Variants in ERC2 observed in about 807,000 individuals in gnomAD.
ERC2 encodes ELKS/RAB6-interacting/CAST family member 2, also known as ERC protein 2.
A neutral mutation model predicts 114.8 loss-of-function variants in ERC2; 42 were observed. The ratio of observed to expected loss-of-function variants is 0.37; its 90% CI spans 0.29 to 0.47. The LOEUF is 0.47. ERC2 is among the 20% of genes least tolerant of loss of function. The pLI, the probability that ERC2 is intolerant of heterozygous loss-of-function variation, is 0.99. For missense variants in ERC2, 939 were observed against 1,150.7 expected, an observed-to-expected ratio of 0.82 and a Z score of 2.66; for synonymous variants, 454 against 425.5, an observed-to-expected ratio of 1.07 and a Z score of -0.82.
intron 3 of ERC2, among the ~76,000 whole-genome samples, chr3:56,220,927 T>C (rs2049860748): frequency 6.6e-6 from 1 of 152,130 alleles, no homozygotes; most frequent in Non-Finnish European, 1.5e-5. Context: ...AAAAGATGAA[T>C]GTGTATTATA....
intron 3 of ERC2, among the ~76,000 whole-genome samples, chr3:56,215,749 C>G (rs1309974954): frequency 6.6e-6 from 1 of 152,102 alleles, no homozygotes; most frequent in African/African-American, 2.4e-5. Context: ...GGAAGTAAAG[C>G]ACTCCTCAGC....
intron 14 of ERC2, among the ~76,000 whole-genome samples, chr3:55,835,442 T>G (rs1324357886): frequency 6.6e-6 from 1 of 152,154 alleles, no homozygotes; most frequent in African/African-American, 2.4e-5. Context: ...GCAAGGCTGG[T>G]TCAATATACT....
intron 13 of ERC2, among the ~76,000 whole-genome samples, chr3:55,899,852 C>A (rs2064039076): frequency 6.6e-6 from 1 of 152,074 alleles, no homozygotes; most frequent in Admixed American, 6.5e-5. Flanking sequence ...ATATGTATTA[C>A]AAATGTTTAC....
At chr3:55,883,427 G>A (rs1455086772) in intron 14 of ERC2, among the ~76,000 whole-genome samples, 2 of 152,148 alleles carry the variant, frequency 1.3e-5, no homozygotes, top group Admixed American at 6.5e-5. Flanking sequence ...GTGGATGTAA[G>A]TATAAAAGGA....
At chr3:55,549,299 C>G (rs2054980291) in intron 17 of ERC2, among the ~76,000 whole-genome samples, 1 of 151,982 alleles carries the variant, frequency 6.6e-6, no homozygotes, top group Admixed American at 6.6e-5. Flanking sequence ...AAAAAGGCCT[C>G]TATGAAGGGT....
intron 7 of ERC2, among the ~76,000 whole-genome samples, chr3:56,031,747 A>T (rs945243929): frequency 6.6e-6 from 1 of 152,246 alleles, no homozygotes; most frequent in African/African-American, 2.4e-5. Flanking sequence ...CAACTAAAGA[A>T]AATAAGGAAA....
chr3:55,878,039 C>A (rs1203983976), intron 14 of ERC2, among the ~76,000 whole-genome samples: 1 of 152,168 alleles, frequency 6.6e-6, no homozygotes, highest in Admixed American at 6.6e-5. Context: ...CTGAATATTT[C>A]TTTTCCCTTT....
At chr3:56,374,138 C>T (rs1416154013) in intron 2 of ERC2, among the ~76,000 whole-genome samples, 3 of 152,084 alleles carry the variant, frequency 2.0e-5, no homozygotes, top group African/African-American at 4.8e-5. Context: ...GCTCTGTCGC[C>T]GAGGCTGGAG....
chr3:55,824,690 G>A (rs1464243943), intron 14 of ERC2, among the ~76,000 whole-genome samples: 3 of 152,166 alleles, frequency 2.0e-5, no homozygotes, highest in African/African-American at 7.2e-5. Context: ...GGATTCCTGA[G>A]CCTCAACCCA....
intron 17 of ERC2, among the ~76,000 whole-genome samples, chr3:55,549,227 A>C (rs185662082): frequency 2.2e-4 from 34 of 152,308 alleles, no homozygotes; most frequent in African/African-American, 8.2e-4. Flanking sequence ...TGGTGTTTGC[A>C]ATACCTGTCC....
intron 3 of ERC2, among the ~76,000 whole-genome samples, chr3:56,279,347 C>A (rs145876824): frequency 9.9e-4 from 151 of 152,170 alleles, no homozygotes; most frequent in Non-Finnish European, 1.6e-3. Context: ...TTGTTATGAG[C>A]AATATATGCA....
intron 2 of ERC2, among the ~76,000 whole-genome samples, chr3:56,332,206 G>A (rs145220783): frequency 3.3e-5 from 5 of 152,118 alleles, no homozygotes; most frequent in Admixed American, 6.5e-5. Flanking sequence ...ACATATGCAC[G>A]CATGCACATA....
At chr3:56,097,160 G>T (rs1248586110) in intron 6 of ERC2, among the ~76,000 whole-genome samples, 1 of 152,182 alleles carries the variant, frequency 6.6e-6, no homozygotes, top group Non-Finnish European at 1.5e-5. Flanking sequence ...GCAAGTGATT[G>T]TTTCTCTGTT....
At chr3:55,970,258 C>T (rs2069062993) in intron 12 of ERC2, among the ~76,000 whole-genome samples, 1 of 151,972 alleles carries the variant, frequency 6.6e-6, no homozygotes, top group Admixed American at 6.6e-5. Context: ...CTTACTTTCT[C>T]TGAGAGCAAA....
Position 56,106,073 on chromosome 3 carries a change from T to C in ERC2, c.1474-25089A>G, listed in dbSNP as rs568458410. 2.1e-4 allele frequency among the ~76,000 whole-genome samples: 32 copies of C among 152,368 alleles called. 1 individual carries two copies. Among genetic ancestry groups the C allele is most frequent in the South Asian group, 8.3e-4 (4 of 4,826 alleles). The stretch of plus-strand genomic sequence containing the variant: ...GAGTTCACTGAATAAGAGAAGTTTT[T>C]AAAATTCCTTTATGAAGATCCAAAC... On this transcript the variant is annotated intron_variant, in intron 6 of 17. Transcript: ENST00000288221.
intron 13 of ERC2, among the ~76,000 whole-genome samples, chr3:55,943,150 G>T (rs987673832): frequency 6.6e-6 from 1 of 152,152 alleles, no homozygotes; most frequent in East Asian, 1.9e-4. Context: ...TTTGATGCAT[G>T]TTGAACACGA....
At chr3:55,643,637 A>C (rs1252200323) in intron 17 of ERC2, among the ~76,000 whole-genome samples, 1 of 152,222 alleles carries the variant, frequency 6.6e-6, no homozygotes, top group African/African-American at 2.4e-5. Context: ...GAGTTAATGC[A>C]CATAAAACAT....
At chr3:56,001,273 T>C (rs779135104) in intron 10 of ERC2, among the ~76,000 whole-genome samples, 4 of 152,134 alleles carry the variant, frequency 2.6e-5, no homozygotes, top group Non-Finnish European at 4.4e-5. Context: ...TGTCCTGTTA[T>C]TTTTTAATTT....
chr3:56,314,383 G>A (rs2056766393), intron 2 of ERC2, among the ~76,000 whole-genome samples: 1 of 151,728 alleles, frequency 6.6e-6, no homozygotes, highest in Non-Finnish European at 1.5e-5. Context: ...CTGAAACTTA[G>A]TAAGTACCCT....
Sources: allele counts gnomAD v4.1 joint callset (sites outside exome capture counted in the v4.1 genomes callset), GRCh38; gene constraint gnomAD v4.1.1; transcripts MANE v1.5; gene names NCBI Gene and HGNC (gene_info 2026-07-23, HGNC 2026-07-21).